The following CCDC163 variants were observed in gnomAD, a reference collection of about 807,000 sequenced individuals.
CCDC163 encodes transmembrane protein CCDC163.
CCDC163 carries 13 observed loss-of-function variants against 8.2 expected under a neutral mutation model. That is an observed-to-expected ratio of 1.59 (90% CI 1.04 to 2.54). The LOEUF (loss-of-function observed/expected upper bound fraction) is 2.54, where lower values mean the gene tolerates loss of function less well. Ranked by LOEUF, CCDC163 falls within the 30% of genes most tolerant of loss-of-function variation. CCDC163 has a pLI of 0.00. For synonymous variants in CCDC163, 41 were observed against 30.9 expected, an observed-to-expected ratio of 1.33 and a Z score of -1.08; for missense variants, 117 against 78.6, an observed-to-expected ratio of 1.49 and a Z score of -1.85.
chr1:45,497,700 G>A (rs1400424331), intron 2 of CCDC163, among the ~76,000 whole-genome samples: 20 of 35,160 alleles, frequency 5.7e-4, no homozygotes, highest in South Asian at 1.7e-3. Flanking sequence ...CCGTCCGGGA[G>A]GGAGGTGGAG....
intron 4 of CCDC163, chr1:45,496,352 G>A (rs1386532565): frequency 3.0e-6 from 2 of 676,208 alleles, no homozygotes; most frequent in Admixed American, 2.1e-5. Flanking sequence ...GAACCCTCAT[G>A]TCGGCAAGGA....
rs192045232 is a variant in CCDC163 at position 45,495,589 on chromosome 1, A to G, written c.331-423T>C. The G allele has an allele frequency of 1.9e-5, 13 of 682,868 alleles. No homozygotes were observed. In the East Asian group the frequency reaches 3.0e-4, roughly 16 times the overall value. The allele number at this position is 682,868 out of a possible 1,614,324, so 42.3% of individuals were successfully genotyped here. A position where few individuals can be genotyped will look rare whatever the true frequency, so the allele number is the denominator to read the frequency against. ...CCAGAAACAGAGAAGATAATGATGT[A>G]TCAAGGGGGCCCTTCCAACACAGAA... On this transcript the variant is annotated intron_variant, in intron 4 of 4. Transcript: ENST00000629482.
At chr1:45,498,378 A>G (rs1643425688) in intron 2 of CCDC163, 1 of 154,016 alleles carries the variant, frequency 6.5e-6, no homozygotes, top group Non-Finnish European at 1.4e-5. Context: ...AATGATCAAT[A>G]AAAGAAAAAC....
At chr1:45,495,523 A>G in intron 4 of CCDC163, 1 of 702,868 alleles carries the variant, frequency 1.4e-6, no homozygotes, top group Non-Finnish European at 2.6e-6. Context: ...GGCAGCTTAG[A>G]TTGGACAACA....
Position 45,500,042 on chromosome 1 carries a change from C to A in CCDC163, c.-433G>T, listed in dbSNP as rs886107570. 7.5e-6 allele frequency: 4 copies of A among 530,826 alleles called. No homozygotes were observed. The highest frequency in any genetic ancestry group is 6.3e-5 in the Admixed American group (2 of 31,968). The allele number at this position is 530,826 out of a possible 1,614,324, so 32.9% of individuals were successfully genotyped here. A position where few individuals can be genotyped will look rare whatever the true frequency, so the allele number is the denominator to read the frequency against. ...CCTGGGAAACTGAGGTCGCCTCTTG[C>A]GAACACAACCGGCGATGGAGGCGGT... is the stretch of plus-strand genomic sequence containing the variant. On this transcript the variant is annotated 5_prime_UTR_variant, in exon 1 of 5. Coordinates refer to ENST00000629482, the MANE Select transcript of CCDC163 (RefSeq NM_001102601.3).
At chr1:45,495,627 C>T (rs1654047147) in intron 4 of CCDC163, 1 of 685,456 alleles carries the variant, frequency 1.5e-6, no homozygotes, top group African/African-American at 1.8e-5. Context: ...GTCCTCCTTC[C>T]TCAGGCTAGG....
Position 45,496,559 on chromosome 1 carries a change from C to A in CCDC163, c.327G>T (p.Trp109Cys). 1.3e-6 allele frequency: 1 copy of A among 780,632 alleles called. No individual in the cohort carries two copies. Among genetic ancestry groups the A allele is most frequent in the Non-Finnish European group, 2.4e-6 (1 of 417,910 alleles). The allele number at this position is 780,632 out of a possible 1,614,324, so 48.4% of individuals were successfully genotyped here. A position where few individuals can be genotyped will look rare whatever the true frequency, so the allele number is the denominator to read the frequency against. The change falls in exon 4 of 5, where the codon TGG (tryptophan) becomes TGT (cysteine). Residue 109 changes from tryptophan (W) to cysteine (C), a missense_variant. Coordinates refer to ENST00000629482, the MANE Select transcript of CCDC163 (RefSeq NM_001102601.3). ...AEGRQAQVGS[W>C]KIPRGAPFLT... is the part of the protein sequence containing the mutation. ...ACAAGTCTGAACCTAGTCCTACCTT[C>A]CAACTGCCAACCTGAGCCTGTCGTC...
At position 45,494,181 on chromosome 1, in the gene CCDC163, G is replaced by A. The variant is rs1400723713; in HGVS notation, c.*878C>T. On this transcript the variant is annotated 3_prime_UTR_variant, in exon 5 of 5. Coordinates refer to ENST00000629482, the MANE Select transcript of CCDC163 (RefSeq NM_001102601.3). ...AGCAGTAGAAGCTGGGGCTAGGCAT[G>A]GTAGCAGCTCACACCTGTAATCTGA... 1 of 152,180 alleles carries A rather than the reference G, an allele frequency of 6.6e-6. No homozygotes were observed. Among genetic ancestry groups the A allele is most frequent in the Non-Finnish European group, 1.5e-5 (1 of 68,060 alleles). 9.4% of individuals were successfully genotyped at this position (152,180 alleles called of 1,614,324 possible).
At chr1:45,497,041 C>T (rs929267227) in intron 3 of CCDC163, among the ~76,000 whole-genome samples, 2 of 151,938 alleles carry the variant, frequency 1.3e-5, no homozygotes, top group Admixed American at 1.3e-4. Flanking sequence ...GGCATGGTGG[C>T]GGGCACCTGT....
At position 45,494,212 on chromosome 1, in the gene CCDC163, T is replaced by C. The variant is rs1046151965; in HGVS notation, c.*847A>G. 1.3e-5 allele frequency: 2 copies of C among 152,118 alleles called. No homozygotes were observed. Among genetic ancestry groups the C allele is most frequent in the African/African-American group, 4.8e-5 (2 of 41,384 alleles). 9.4% of individuals were successfully genotyped at this position (152,118 alleles called of 1,614,324 possible). ...AGCTCACACCTGTAATCTGAACACT[T>C]TGGGAGGCCAAAGTTGGTGGATCAG... On this transcript the variant is annotated 3_prime_UTR_variant, in exon 5 of 5. Transcript: ENST00000629482.
chr1:45,496,309 C>A, intron 4 of CCDC163: 1 of 580,846 alleles, frequency 1.7e-6, no homozygotes, highest in South Asian at 1.8e-5. Flanking sequence ...CTCCCTCTCT[C>A]CCTCCCCATG....
rs1450491135 is a variant in CCDC163 at position 45,494,347 on chromosome 1, A to G, written c.*712T>C. On this transcript the variant is annotated 3_prime_UTR_variant, in exon 5 of 5. Transcript: ENST00000629482. ...ATAGCGTGTGCCTGTAGTCCCATAT[A>G]TTATTACTTGGGGGGCTAAGGTGGG... is the stretch of plus-strand genomic sequence containing the variant. 1 of 151,860 alleles carries G rather than the reference A, an allele frequency of 6.6e-6. No homozygotes were observed. Among genetic ancestry groups the G allele is most frequent in the African/African-American group, 2.4e-5 (1 of 41,202 alleles). The allele number at this position is 151,860 out of a possible 1,614,324, so 9.4% of individuals were successfully genotyped here. A position where few individuals can be genotyped will look rare whatever the true frequency, so the allele number is the denominator to read the frequency against.
In CCDC163 at chr1:45,499,333, G is replaced by C. The variant is rs530090667; in HGVS notation, c.177+12C>G. 1.9e-5 allele frequency: 15 copies of C among 769,516 alleles called. No individual in the cohort carries two copies. In the East Asian group the frequency reaches 3.4e-4, roughly 18 times the overall value. 47.7% of individuals were successfully genotyped at this position (769,516 alleles called of 1,614,324 possible). ...GAGAAAGGGCTTGGAAGTAGAAAGA[G>C]ACATTACTTACCTGCGGTGGAGACC... is the stretch of plus-strand genomic sequence containing the variant. On this transcript the variant is annotated intron_variant, in intron 2 of 4. Transcript: ENST00000629482.
At position 45,499,615 on chromosome 1, in the gene CCDC163, G is replaced by A. The variant is rs368386391; in HGVS notation, c.-6C>T. On this transcript the variant is annotated 5_prime_UTR_variant, in exon 1 of 5. Coordinates refer to ENST00000629482, the MANE Select transcript of CCDC163 (RefSeq NM_001102601.3). The stretch of plus-strand genomic sequence containing the variant: ...CAGCTGAGGCTCGTATTCATATCCT[G>A]TGGCAGGGGAGCGGCAGGGGTCTGG... The A allele has an allele frequency of 2.4e-5, 18 of 764,568 alleles. No individual in the cohort carries two copies. In the African/African-American group the frequency reaches 2.7e-4, roughly 12 times the overall value. The allele number at this position is 764,568 out of a possible 1,614,324, so 47.4% of individuals were successfully genotyped here.
Position 45,494,466 on chromosome 1 carries a change from A to C in CCDC163, c.*593T>G, listed in dbSNP as rs1467061392. 6.7e-6 allele frequency: 1 copy of C among 149,868 alleles called. No individual in the cohort carries two copies. The highest frequency in any genetic ancestry group is 1.9e-4 in the East Asian group (1 of 5,138). The allele number at this position is 149,868 out of a possible 1,614,324, so 9.3% of individuals were successfully genotyped here. A position where few individuals can be genotyped will look rare whatever the true frequency, so the allele number is the denominator to read the frequency against. Reference sequence around the variant, plus strand: ...GCAACTGAGTAAGACCTTGCCTCAAAAAAAAAAAAAAAAAAGGCAGAAGCT... The same window carrying C: ...GCAACTGAGTAAGACCTTGCCTCAACAAAAAAAAAAAAAAAGGCAGAAGCT... On this transcript the variant is annotated 3_prime_UTR_variant, in exon 5 of 5. Transcript: ENST00000629482.
chr1:45,496,058 C>G (rs1654100753), intron 4 of CCDC163, among the ~76,000 whole-genome samples: 1 of 152,214 alleles, frequency 6.6e-6, no homozygotes, highest in African/African-American at 2.4e-5. Flanking sequence ...GATACTCATA[C>G]TACCCCAAAA....
At chr1:45,496,112 C>A in intron 4 of CCDC163, 1 of 291,174 alleles carries the variant, frequency 3.4e-6, no homozygotes, top group Non-Finnish European at 6.7e-6. Flanking sequence ...TCCCCAGTGC[C>A]CGACCTGTGA....
At chr1:45,496,845 T>C (rs900021005) in intron 3 of CCDC163, among the ~76,000 whole-genome samples, 1 of 152,312 alleles carries the variant, frequency 6.6e-6, no homozygotes, top group Middle Eastern at 3.4e-3. Flanking sequence ...GTTGGAGCCA[T>C]GGCCACTTAA....
rs1431779006 is a variant in CCDC163, at chr1:45,499,656, T to C, written c.-47A>G. On this transcript the variant is annotated 5_prime_UTR_variant, in exon 1 of 5. Transcript: ENST00000629482. ...AGGGGTCTGGCTCCCTGGTGTCTTG[T>C]GCTTGCTCTCCTAGCGGGGGATACC... 2.7e-6 allele frequency: 2 copies of C among 730,468 alleles called. No homozygotes were observed. Among genetic ancestry groups the C allele is most frequent in the Non-Finnish European group, 5.1e-6 (2 of 392,292 alleles). 45.2% of individuals were successfully genotyped at this position (730,468 alleles called of 1,614,324 possible). A position where few individuals can be genotyped will look rare whatever the true frequency, so the allele number is the denominator to read the frequency against.
Sources: allele counts gnomAD v4.1 joint callset (sites outside exome capture counted in the v4.1 genomes callset), GRCh38; gene constraint gnomAD v4.1.1; transcripts MANE v1.5; gene names NCBI Gene and HGNC (gene_info 2026-07-23, HGNC 2026-07-21).